Variants in TRPC5 observed in about 807,000 individuals in gnomAD.
The protein encoded by TRPC5 is short transient receptor potential channel 5.
In TRPC5, 9 loss-of-function variants were observed where a neutral mutation model predicts 56.5. The observed-to-expected ratio is 0.16, with a 90% CI of 0.10 to 0.28. The LOEUF (loss-of-function observed/expected upper bound fraction) is 0.28, where lower values mean the gene tolerates loss of function less well. TRPC5 is among the 10% of genes least tolerant of loss of function. The pLI is 1.00. For synonymous variants in TRPC5, 282 were observed against 278.5 expected, an observed-to-expected ratio of 1.01 and a Z score of -0.13; for missense variants, 469 against 748.9, an observed-to-expected ratio of 0.63 and a Z score of 4.36.
intron 6 of TRPC5, among the ~76,000 whole-genome samples, chrX:111,840,224 G>T (rs971854687): frequency 9.0e-6 from 1 of 111,730 alleles, no homozygotes; most frequent in Non-Finnish European, 1.9e-5. Flanking sequence ...CAGGTGTCTT[G>T]CTATATTGCC....
chrX:111,929,121 A>G (rs1429379525), intron 2 of TRPC5, among the ~76,000 whole-genome samples: 1 of 112,253 alleles, frequency 8.9e-6, no homozygotes, highest in African/African-American at 3.2e-5. Flanking sequence ...GGAGAAGGAA[A>G]TAGTGCACTC....
chrX:111,943,570 A>G (rs1194011329), intron 2 of TRPC5, among the ~76,000 whole-genome samples: 3 of 112,585 alleles, frequency 2.7e-5, no homozygotes, highest in Non-Finnish European at 3.7e-5. Flanking sequence ...ATGAGTAATT[A>G]TGGAAGAGCC....
chrX:111,967,959 C>T (rs1419147403), intron 1 of TRPC5, among the ~76,000 whole-genome samples: 1 of 110,184 alleles, frequency 9.1e-6, no homozygotes, highest in Non-Finnish European at 1.9e-5. Flanking sequence ...CAACCAAAGC[C>T]AAAATTGACA....
At chrX:111,866,830 A>G (rs1313848056) in intron 3 of TRPC5, among the ~76,000 whole-genome samples, 1 of 112,633 alleles carries the variant, frequency 8.9e-6, no homozygotes, top group Non-Finnish European at 1.9e-5. Context: ...AAGGATCAAT[A>G]GGATTTAATG....
intron 2 of TRPC5, among the ~76,000 whole-genome samples, chrX:111,918,377 G>A (rs1270129529): frequency 9.0e-6 from 1 of 111,427 alleles, no homozygotes; most frequent in African/African-American, 3.3e-5. Flanking sequence ...AGAGTTCAAT[G>A]TATGGAAGAT....
intron 1 of TRPC5, among the ~76,000 whole-genome samples, chrX:112,026,967 C>T (rs1215601100): frequency 9.1e-6 from 1 of 109,777 alleles, no homozygotes; most frequent in East Asian, 2.9e-4. Context: ...AAATTTGGGT[C>T]AAGGAGGACA....
chrX:111,866,349 G>A (rs1386671943), intron 3 of TRPC5, among the ~76,000 whole-genome samples: 11 of 113,477 alleles, frequency 9.7e-5, no homozygotes. Flanking sequence ...GGGCCTGAAG[G>A]CTAGCAAAGC....
intron 1 of TRPC5, among the ~76,000 whole-genome samples, chrX:111,961,856 A>G (rs772729879): frequency 3.6e-5 from 4 of 112,045 alleles, no homozygotes; most frequent in Non-Finnish European, 7.5e-5. Flanking sequence ...AATCCCAGGA[A>G]ACAATCAACA....
intron 3 of TRPC5, among the ~76,000 whole-genome samples, chrX:111,877,424 T>A (rs1332159816): frequency 9.0e-6 from 1 of 111,266 alleles, no homozygotes; most frequent in Non-Finnish European, 1.9e-5. Context: ...TCTGGTTTGC[T>A]TGGGGTTGAG....
rs140763504 is a variant in TRPC5, at chrX:111,891,837, G to A, written c.900+20454C>T. On this transcript the variant is annotated intron_variant, in intron 3 of 10. Coordinates refer to ENST00000262839, the MANE Select transcript of TRPC5 (RefSeq NM_012471.3). ...ACTGGGATTACAGGAGTGAGCCACC[G>A]CGCTTGGCCGCTACACAGGATTATT... Among the ~76,000 whole-genome samples the A allele has an allele frequency of 8.0e-4, 89 of 111,894 alleles. No individual in the cohort carries two copies. In the East Asian group the frequency reaches 0.018, roughly 22 times the overall value.
chrX:112,074,161 C>T (rs1256393022), intron 1 of TRPC5, among the ~76,000 whole-genome samples: 2 of 110,541 alleles, frequency 1.8e-5, no homozygotes, highest in Admixed American at 9.7e-5. Flanking sequence ...CACACGTAGA[C>T]GAATTTGGAC....
At chrX:111,900,330 G>T (rs761859953) in intron 3 of TRPC5, among the ~76,000 whole-genome samples, 22 of 111,423 alleles carry the variant, frequency 2.0e-4, no homozygotes, top group Non-Finnish European at 3.6e-4. Context: ...GAGAAAGGAA[G>T]TTAGCCCAAT....
At chrX:111,787,997 G>T (rs866560290) in intron 7 of TRPC5, among the ~76,000 whole-genome samples, 5 of 111,819 alleles carry the variant, frequency 4.5e-5, no homozygotes, top group African/African-American at 6.5e-5. Context: ...AAGAGGAGCT[G>T]GTACCATTCC....
At chrX:111,817,444 G>T in intron 7 of TRPC5, among the ~76,000 whole-genome samples, 1 of 105,796 alleles carries the variant, frequency 9.5e-6, no homozygotes. Flanking sequence ...CTCCTGCTTC[G>T]GCCTCCCAGT....
At chrX:111,981,133 C>A (rs928297841) in intron 1 of TRPC5, among the ~76,000 whole-genome samples, 2 of 109,631 alleles carry the variant, frequency 1.8e-5, no homozygotes, top group African/African-American at 3.3e-5. Context: ...GCTGGAGACC[C>A]AGGAGAGCTG....
intron 1 of TRPC5, among the ~76,000 whole-genome samples, chrX:112,022,677 A>G (rs1017905895): frequency 1.8e-5 from 2 of 112,204 alleles, no homozygotes; most frequent in African/African-American, 6.5e-5. Context: ...TAGTTTCAAA[A>G]TTACAACCAC....
intron 3 of TRPC5, among the ~76,000 whole-genome samples, chrX:111,876,989 T>G (rs1013316487): frequency 6.3e-5 from 7 of 111,983 alleles, no homozygotes; most frequent in Admixed American, 4.8e-4. Context: ...GAGTTCATTC[T>G]GTAAAACTTC....
At chrX:111,972,241 T>C (rs1250442469) in intron 1 of TRPC5, among the ~76,000 whole-genome samples, 1 of 111,903 alleles carries the variant, frequency 8.9e-6, no homozygotes, top group African/African-American at 3.2e-5. Flanking sequence ...ACAATCCTTT[T>C]TAGTGACAGA....
At chrX:111,979,270 GT>G (rs1053126008) in intron 1 of TRPC5, among the ~76,000 whole-genome samples, 1 of 111,349 alleles carries the variant, frequency 9.0e-6, no homozygotes, top group Non-Finnish European at 1.9e-5. Context: ...GGATTTCCAT[GT>G]GAAAATAAGG....
Sources: allele counts gnomAD v4.1 joint callset (sites outside exome capture counted in the v4.1 genomes callset), GRCh38; gene constraint gnomAD v4.1.1; transcripts MANE v1.5; gene names NCBI Gene and HGNC (gene_info 2026-07-23, HGNC 2026-07-21).